The following SYNRG variants were observed in gnomAD, a reference collection of about 807,000 sequenced individuals.
SYNRG encodes AP1 gamma subunit binding protein 1.
In SYNRG, 37 loss-of-function variants were observed where a neutral mutation model predicts 130.9. The ratio of observed to expected loss-of-function variants is 0.28; its 90% CI spans 0.22 to 0.37. SYNRG has a LOEUF of 0.37. Ranked by LOEUF, SYNRG falls within the 10% of genes least tolerant of loss-of-function variation. The pLI is 1.00. For missense variants in SYNRG, 1,338 were observed against 1,588.9 expected (o/e 0.84, Z 2.68); for synonymous variants, 539 against 568.1 (o/e 0.95, Z 0.73).
intron 19 of SYNRG, among the ~76,000 whole-genome samples, chr17:37,527,547 G>A: frequency 6.6e-6 from 1 of 152,128 alleles, no homozygotes; most frequent in African/African-American, 2.4e-5. Context: ...TTCCACATCT[G>A]TGGGTTCAAC....
chr17:37,570,952 A>G, intron 9 of SYNRG, 67 bp from the exon 10 acceptor site: 18 of 1,516,602 alleles, frequency 1.2e-5, no homozygotes, highest in Non-Finnish European at 1.6e-5. Context: ...TCTGGCAGAG[A>G]CCGAAAGGTA....
intron 19 of SYNRG, among the ~76,000 whole-genome samples, chr17:37,524,654 C>T (rs1205174644): frequency 6.6e-6 from 1 of 152,240 alleles, no homozygotes; most frequent in East Asian, 1.9e-4. Flanking sequence ...CTGGTGCTAA[C>T]GCTTGTTCTG....
intron 3 of SYNRG, among the ~76,000 whole-genome samples, chr17:37,594,818 G>A (rs2062613770): frequency 6.6e-6 from 1 of 152,068 alleles, no homozygotes; most frequent in Non-Finnish European, 1.5e-5. Flanking sequence ...ATTCGTCCTG[G>A]TATATTCCTC....
chr17:37,586,827 G>T (rs958849359), intron 3 of SYNRG, among the ~76,000 whole-genome samples: 2 of 152,076 alleles, frequency 1.3e-5, no homozygotes, highest in Non-Finnish European at 1.5e-5. Flanking sequence ...ACTCTGATTG[G>T]TGTGTTATGG....
chr17:37,542,698 G>C, intron 14 of SYNRG, 133 bp from the exon 15 acceptor site: 1 of 680,234 alleles, frequency 1.5e-6, no homozygotes. Flanking sequence ...TTTAGAGTTT[G>C]TACTAAAATT....
intron 3 of SYNRG, 138 bp from the exon 4 acceptor site, chr17:37,586,687 G>T: frequency 1.0e-6 from 1 of 1,000,618 alleles, no homozygotes; most frequent in Non-Finnish European, 1.4e-6. Context: ...AAGATGCAAA[G>T]ATGCAAATAA....
intron 19 of SYNRG, among the ~76,000 whole-genome samples, chr17:37,531,783 A>AG (rs1280906474): frequency 6.6e-6 from 1 of 151,358 alleles, no homozygotes. Context: ...TGTCTAAAAA[A>AG]GAAAAAAAAA....
At chr17:37,560,768 G>A (rs575358818) in intron 13 of SYNRG, among the ~76,000 whole-genome samples, 7 of 151,304 alleles carry the variant, frequency 4.6e-5, no homozygotes, top group African/African-American at 9.7e-5. Flanking sequence ...GGGTTCAAGC[G>A]ATTCTCTTGC....
chr17:37,531,926 C>G (rs8065395), intron 19 of SYNRG, among the ~76,000 whole-genome samples: 33,521 of 152,162 alleles, frequency 0.22, 3,797 homozygotes, highest in Admixed American at 0.32. Flanking sequence ...AGATCCTGGG[C>G]TAAAGATTCA....
Position 37,542,527 on chromosome 17 carries a change from T to C in SYNRG, c.2647A>G (p.Ser883Gly), listed in dbSNP as rs1041012245. The stretch of plus-strand genomic sequence containing the variant: ...AGTGTGCTCACTGCAAAATTGCTAC[T>C]GTAGCTTCCAAAAGCAGCATATTTT... ...DLKYAAFGSY[S>G]SNFAVSTLTS... The change falls in exon 15 of 22, where the codon AGT becomes GGT. Residue 883 changes from serine to glycine, a missense_variant. Around this residue, in one of 3 missense-constraint regions of SYNRG, gnomAD observed 1,146 missense variants for 1,342.3 expected, o/e 0.85. Coordinates refer to ENST00000612223, the MANE Select transcript of SYNRG (RefSeq NM_007247.6). The C allele has an allele frequency of 1.2e-6, 2 of 1,612,624 alleles. No homozygotes were observed. The highest frequency in any genetic ancestry group is 1.3e-5 in the African/African-American group (1 of 74,936).
chr17:37,557,336 C>T (rs554406240), intron 13 of SYNRG: 1 of 152,180 alleles, frequency 6.6e-6, no homozygotes, highest in Non-Finnish European at 1.5e-5. Flanking sequence ...CCTAAGAAAC[C>T]CACAGCTCTG....
chr17:37,569,277 G>C (rs1568423827), intron 10 of SYNRG, among the ~76,000 whole-genome samples: 1 of 152,202 alleles, frequency 6.6e-6, no homozygotes, highest in Non-Finnish European at 1.5e-5. Context: ...GCGCATGGTG[G>C]CATGTGCCTG....
intron 2 of SYNRG, among the ~76,000 whole-genome samples, chr17:37,600,117 A>G (rs998171178): frequency 1.3e-5 from 2 of 152,238 alleles, no homozygotes; most frequent in African/African-American, 4.8e-5. Context: ...GAGGTTAAAC[A>G]ATCTATGAAC....
chr17:37,561,656 G>T, intron 11 of SYNRG, 67 bp from the exon 12 acceptor site: 1 of 1,186,644 alleles, frequency 8.4e-7, no homozygotes, highest in South Asian at 1.3e-5. Flanking sequence ...AAGGAAGTTA[G>T]AATTAAAATG....
rs1465140141 is a variant in SYNRG, at chr17:37,604,061, T to A, written c.78-3658A>T. On this transcript the variant is annotated intron_variant, in intron 1 of 21. Transcript: ENST00000612223. ...TATGTGACCAGCCTGGCCAACATGG[T>A]GAAACCCTATTTCTACTAAAAATAT... Among the ~76,000 whole-genome samples the A allele has an allele frequency of 2.0e-5, 3 of 152,018 alleles. No individual in the cohort carries two copies. The South Asian group carries it at 6.2e-4, about 32-fold the overall frequency.
Position 37,599,425 on chromosome 17 carries a change from T to C in SYNRG, c.118+938A>G, listed in dbSNP as rs577955182. 3.3e-5 allele frequency among the ~76,000 whole-genome samples: 5 copies of C among 152,326 alleles called. No homozygotes were observed. In the East Asian group the frequency reaches 9.6e-4, roughly 29 times the overall value. ...GTATACTTAGAGAAATTTCTAGGAA[T>C]AGAACTGAGACTTGGCCGGATGTGG... is the stretch of plus-strand genomic sequence containing the variant. On this transcript the variant is annotated intron_variant, in intron 2 of 21. Coordinates refer to ENST00000612223, the MANE Select transcript of SYNRG (RefSeq NM_007247.6).
intron 6 of SYNRG, among the ~76,000 whole-genome samples, chr17:37,581,868 G>A (rs2061369419): frequency 6.6e-6 from 1 of 151,154 alleles, no homozygotes; most frequent in Admixed American, 6.6e-5. Flanking sequence ...GGGTTCAAGA[G>A]ATTCTCCTGC....
At position 37,542,060 on chromosome 17, in the gene SYNRG, G is replaced by T; in HGVS notation, c.3114C>A (p.Asp1038Glu). The T allele has an allele frequency of 6.2e-7, 1 of 1,614,198 alleles. No homozygotes were observed. Among genetic ancestry groups the T allele is most frequent in the Non-Finnish European group, 8.5e-7 (1 of 1,180,026 alleles). Residue 1038 changes from aspartate to glutamate, a missense_variant, in exon 15 of 22, where the codon GAC becomes GAA. Coordinates refer to ENST00000612223, the MANE Select transcript of SYNRG (RefSeq NM_007247.6). ...QSEKPKISKF[D>E]FLVATSQSKM... ...TGCTTTGTGAAGTGGCTACTAAGAA[G>T]TCAAATTTGCTGATTTTGGGCTTTT... is the stretch of plus-strand genomic sequence containing the variant.
chr17:37,552,031 TACA>T (rs1336661662), intron 14 of SYNRG, among the ~76,000 whole-genome samples: 2 of 152,216 alleles, frequency 1.3e-5, no homozygotes, highest in Admixed American at 6.5e-5. Flanking sequence ...TAGCAATACC[TACA>T]ACATTTCCAT....
Sources: gnomAD v4.1 joint callset for allele counts (sites outside exome capture counted in the v4.1 genomes callset) on GRCh38, gnomAD v4.1.1 for gene constraint, gnomAD v4.1.1 regional missense constraint, MANE v1.5 for transcripts, NCBI Gene and HGNC (gene_info 2026-07-23, HGNC 2026-07-21) for gene names.